Variants in GMDS observed in about 807,000 individuals in gnomAD.
GMDS encodes the protein GDP-mannose 4,6 dehydratase.
Under a neutral mutation model 49.9 loss-of-function variants are expected in GMDS, and 20 were observed. The ratio of observed to expected loss-of-function variants is 0.40; its 90% CI spans 0.28 to 0.58. The LOEUF is 0.58. Ranked by LOEUF, GMDS falls within the 20% of genes least tolerant of loss-of-function variation. The pLI is 0.42. For synonymous variants in GMDS, 177 were observed against 178.6 expected (o/e 0.99, Z 0.07); for missense variants, 362 against 481.4 (o/e 0.75, Z 2.32).
intron 7 of GMDS, among the ~76,000 whole-genome samples, chr6:1,843,221 G>A (rs548311326): frequency 1.4e-4 from 21 of 152,184 alleles, no homozygotes; most frequent in Non-Finnish European, 2.4e-4. Context: ...GTTATGAGCC[G>A]CTGACCAGTG....
chr6:1,904,713 T>C (rs1053139595), intron 7 of GMDS, among the ~76,000 whole-genome samples: 1 of 152,134 alleles, frequency 6.6e-6, no homozygotes, highest in Non-Finnish European at 1.5e-5. Context: ...CTCAGGGTGG[T>C]GCCCACTTAA....
Position 2,143,945 on chromosome 6 carries a change from A to G in GMDS, c.103-19214T>C, listed in dbSNP as rs145008353. ...TCATCAGAAATCTGCTGTTTTAGGA[A>G]GTGGTCCAAGGTTACAGAGATGCCT... On this transcript the variant is annotated intron_variant, in intron 1 of 10. Transcript: ENST00000380815. Among the ~76,000 whole-genome samples, 11 of 152,338 alleles carry G rather than the reference A, an allele frequency of 7.2e-5. No homozygotes were observed. The South Asian group carries it at 2.3e-3, about 32-fold the overall frequency.
rs2127470129 is a variant in GMDS, at chr6:2,083,558, A to G, written c.345+32213T>C. Among the ~76,000 whole-genome samples the G allele has an allele frequency of 2.0e-5, 3 of 152,332 alleles. No homozygotes were observed. In the Middle Eastern group the frequency reaches 0.01, roughly 518 times the overall value. ...ATGCCACACTGAATACAGAATACAG[A>G]CACCTCTTCTGATATTTTGGTTAAT... On this transcript the variant is annotated intron_variant, in intron 4 of 10. Transcript: ENST00000380815.
chr6:1,721,005 G>A lies in GMDS; in HGVS notation c.987+5411C>T, dbSNP rs190325003. ...TGTTGAGGGCTTTTCACCCCCAAAC[G>A]CAGAGACAGAGCTGAGGGAAGCTCT... is the stretch of plus-strand genomic sequence containing the variant. On this transcript the variant is annotated intron_variant, in intron 9 of 10. Transcript: ENST00000380815. Among the ~76,000 whole-genome samples, 711 of 152,246 alleles carry A rather than the reference G, an allele frequency of 4.7e-3. 1 individual carries two copies. The highest frequency in any genetic ancestry group is 7.2e-3 in the Non-Finnish European group (493 of 68,010).
chr6:1,930,126 C>T lies in GMDS; in HGVS notation c.748G>A (p.Gly250Ser), dbSNP rs1303150716. 6.2e-7 allele frequency: 1 copy of T among 1,612,496 alleles called. No individual in the cohort carries two copies. The highest frequency in any genetic ancestry group is 8.5e-7 in the Non-Finnish European group (1 of 1,179,110). The change falls in exon 7 of 11, where the codon GGC becomes AGC. Residue 250 changes from glycine to serine, a missense_variant. Transcript: ENST00000380815. ...ACCTCCACATAGTCCTTGGCATGGC[C>T]CCAATCTCGTTTGGCATCCAGATTT... Reference protein sequence around the residue: ...LGNLDAKRDWGHAKDYVEAMW... With the variant: ...LGNLDAKRDWSHAKDYVEAMW...
At chr6:1,765,217 G>A (rs1264575725) in intron 7 of GMDS, among the ~76,000 whole-genome samples, 1 of 152,288 alleles carries the variant, frequency 6.6e-6, no homozygotes, top group East Asian at 1.9e-4. Flanking sequence ...CTTAAGCATG[G>A]TAGCAATTCT....
chr6:1,680,532 CT>C (rs66837467), intron 9 of GMDS, among the ~76,000 whole-genome samples: 52,575 of 152,088 alleles, frequency 0.35, 9,366 homozygotes, highest in Middle Eastern at 0.47. Flanking sequence ...GCACCGTGAC[CT>C]GACTTCTCAC....
At chr6:1,954,594 A>G (rs1289683259) in intron 6 of GMDS, among the ~76,000 whole-genome samples, 1 of 152,256 alleles carries the variant, frequency 6.6e-6, no homozygotes, top group African/African-American at 2.4e-5. Flanking sequence ...CAACATTCAC[A>G]GCATCTTCAC....
intron 4 of GMDS, among the ~76,000 whole-genome samples, chr6:2,007,613 G>A (rs947517386): frequency 2.7e-5 from 4 of 146,356 alleles, no homozygotes; most frequent in East Asian, 2.0e-4. Context: ...TTTATTTTAC[G>A]TTCAGGGGAT....
At chr6:2,113,249 G>C (rs1388484376) in intron 4 of GMDS, among the ~76,000 whole-genome samples, 2 of 152,064 alleles carry the variant, frequency 1.3e-5, no homozygotes, top group African/African-American at 2.4e-5. Context: ...TCAGTGCATA[G>C]AGAAATCAGC....
chr6:1,872,372 C>T (rs919328021), intron 7 of GMDS, among the ~76,000 whole-genome samples: 4 of 152,032 alleles, frequency 2.6e-5, no homozygotes, highest in African/African-American at 9.7e-5. Context: ...ATGTATGTGC[C>T]CAATAGCCAA....
chr6:1,804,163 T>C (rs1475900938), intron 7 of GMDS, among the ~76,000 whole-genome samples: 1 of 152,282 alleles, frequency 6.6e-6, no homozygotes, highest in Non-Finnish European at 1.5e-5. Context: ...TGTTTCCTTT[T>C]TGTCTTCATT....
At chr6:1,810,772 A>G (rs1200132469) in intron 7 of GMDS, among the ~76,000 whole-genome samples, 1 of 152,220 alleles carries the variant, frequency 6.6e-6, no homozygotes, top group East Asian at 1.9e-4. Flanking sequence ...TGGCGAGATC[A>G]GATTGGCATT....
intron 4 of GMDS, among the ~76,000 whole-genome samples, chr6:1,988,806 T>C (rs1168105816): frequency 6.6e-6 from 1 of 151,928 alleles, no homozygotes; most frequent in Non-Finnish European, 1.5e-5. Flanking sequence ...GTTTGTTAGC[T>C]AGCTTTGAGA....
intron 1 of GMDS, among the ~76,000 whole-genome samples, chr6:2,186,402 A>AT (rs1468418029): frequency 6.6e-6 from 1 of 152,220 alleles, no homozygotes; most frequent in Non-Finnish European, 1.5e-5. Flanking sequence ...AACTTAGCTG[A>AT]TTCCCAAAAT....
chr6:2,169,264 T>A (rs1265176749), intron 1 of GMDS, among the ~76,000 whole-genome samples: 1 of 152,228 alleles, frequency 6.6e-6, no homozygotes, highest in African/African-American at 2.4e-5. Flanking sequence ...TAAAAGTCCA[T>A]TTGATATTAA....
chr6:2,102,372 T>C (rs1287519180), intron 4 of GMDS, among the ~76,000 whole-genome samples: 1 of 152,192 alleles, frequency 6.6e-6, no homozygotes, highest in Non-Finnish European at 1.5e-5. Flanking sequence ...CTAGTGCTAA[T>C]ATGAAGAAAA....
intron 6 of GMDS, among the ~76,000 whole-genome samples, chr6:1,952,721 G>C (rs1763415762): frequency 6.6e-6 from 1 of 152,016 alleles, no homozygotes; most frequent in African/African-American, 2.4e-5. Flanking sequence ...GGCTCAGTTA[G>C]GCGTTAGGCA....
chr6:1,784,618 A>G (rs723063), intron 7 of GMDS, among the ~76,000 whole-genome samples: 15,918 of 152,090 alleles, frequency 0.1, 919 homozygotes, highest in East Asian at 0.17. Context: ...GATGGATGGT[A>G]GAGAAACTTT....
Sources: allele counts gnomAD v4.1 joint callset (sites outside exome capture counted in the v4.1 genomes callset), GRCh38; gene constraint gnomAD v4.1.1; transcripts MANE v1.5; gene names NCBI Gene and HGNC (gene_info 2026-07-23, HGNC 2026-07-21).